The following TENM3 variants were observed in gnomAD, a reference collection of about 807,000 sequenced individuals.
TENM3 encodes teneurin-3.
A neutral mutation model predicts 255.1 loss-of-function variants in TENM3; 63 were observed. The observed-to-expected ratio is 0.25, with a 90% CI of 0.20 to 0.30. The LOEUF is 0.30. TENM3 is among the 10% of genes least tolerant of loss of function. The probability of loss-of-function intolerance (pLI) is 1.00; values close to 1 mark genes in which losing one functional copy is unlikely to be tolerated. For synonymous variants in TENM3, 1,306 were observed against 1,322.3 expected (o/e 0.99, Z 0.27); for missense variants, 2,929 against 3,461.1 (o/e 0.85, Z 3.86).
chr4:182,759,167 G>C (rs1377838305), intron 22 of TENM3, among the ~76,000 whole-genome samples: 42 of 152,126 alleles, frequency 2.8e-4, no homozygotes, highest in Non-Finnish European at 6.0e-4. Context: ...CACAGTATTG[G>C]TATAAGTACA....
the TENM3 span, among the ~76,000 whole-genome samples, chr4:182,060,774 G>A: frequency 3.3e-5 from 5 of 152,128 alleles, no homozygotes; most frequent in Non-Finnish European, 5.9e-5. Context: ...ACATAATTGC[G>A]GGTATAAACC....
intron 12 of TENM3, among the ~76,000 whole-genome samples, chr4:182,700,524 T>G (rs554141216): frequency 6.6e-6 from 1 of 152,180 alleles, no homozygotes; most frequent in Non-Finnish European, 1.5e-5. Flanking sequence ...CTGGAGCCAA[T>G]TTTTGTCTGT....
At chr4:182,114,832 G>T in the TENM3 span, among the ~76,000 whole-genome samples, 184 of 152,024 alleles carry the variant, frequency 1.2e-3, no homozygotes, top group African/African-American at 4.3e-3. Flanking sequence ...TTTATTTTTG[G>T]CCAGGACTCT....
At chr4:182,361,040 A>G (rs1199430210) in intron 3 of TENM3, among the ~76,000 whole-genome samples, 1 of 152,206 alleles carries the variant, frequency 6.6e-6, no homozygotes, top group African/African-American at 2.4e-5. Flanking sequence ...AAGAATGTTT[A>G]ATATTGGCTC....
chr4:181,774,020 T>G, the TENM3 span, among the ~76,000 whole-genome samples: 4 of 131,710 alleles, frequency 3.0e-5, no homozygotes, highest in South Asian at 9.6e-4. Flanking sequence ...TTTTTTTTTT[T>G]TTTTTTTTAT....
the TENM3 span, among the ~76,000 whole-genome samples, chr4:181,459,132 T>A: frequency 6.6e-6 from 1 of 152,050 alleles, no homozygotes; most frequent in Non-Finnish European, 1.5e-5. Context: ...TGGTTTGAAT[T>A]GGCACATCCC....
At chr4:182,763,103 G>A (rs776437413) in intron 22 of TENM3, among the ~76,000 whole-genome samples, 2 of 151,884 alleles carry the variant, frequency 1.3e-5, no homozygotes, top group Non-Finnish European at 2.9e-5. Flanking sequence ...GTGTAGGTCC[G>A]ATATAACTTA....
At chr4:182,533,899 A>G (rs575834364) in intron 3 of TENM3, among the ~76,000 whole-genome samples, 1 of 151,442 alleles carries the variant, frequency 6.6e-6, no homozygotes, top group South Asian at 2.1e-4. Context: ...ACAGAGCAAG[A>G]CTCCATCTCC....
the TENM3 span, among the ~76,000 whole-genome samples, chr4:181,661,919 C>A: frequency 0.56 from 61,947 of 111,002 alleles, 13,530 homozygotes; most frequent in Admixed American, 0.64. Context: ...AAAAAAAAAA[C>A]CTCATTCTGC....
chr4:181,955,571 A>G, the TENM3 span, among the ~76,000 whole-genome samples: 33 of 152,316 alleles, frequency 2.2e-4, no homozygotes, highest in Non-Finnish European at 4.1e-4. Context: ...GGCCAGTGAT[A>G]AAAGGATGGT....
At position 182,753,605 on chromosome 4, in the gene TENM3, G is replaced by A; in HGVS notation, c.4017+1G>A. Reference sequence around the variant, plus strand: ...TGACACCAGCATGCACATCAGCCAGGTAGTTAAATACTAAGCGGACTTGTT... The same window carrying A: ...TGACACCAGCATGCACATCAGCCAGATAGTTAAATACTAAGCGGACTTGTT... On this transcript the variant is annotated splice_donor_variant, in intron 21 of 27. Coordinates refer to ENST00000511685, the MANE Select transcript of TENM3 (RefSeq NM_001080477.4). LOFTEE classifies it high-confidence loss of function. The A allele has an allele frequency of 6.2e-7, 1 of 1,613,500 alleles. No individual in the cohort carries two copies. Among genetic ancestry groups the A allele is most frequent in the Non-Finnish European group, 8.5e-7 (1 of 1,179,726 alleles).
chr4:182,721,638 G>A (rs1759743403), intron 13 of TENM3, among the ~76,000 whole-genome samples: 1 of 152,052 alleles, frequency 6.6e-6, no homozygotes, highest in Admixed American at 6.6e-5. Context: ...GGTTCAAAAG[G>A]TATTTTAATT....
intron 3 of TENM3, among the ~76,000 whole-genome samples, chr4:182,469,328 A>G (rs183783404): frequency 6.6e-6 from 1 of 152,178 alleles, no homozygotes; most frequent in Non-Finnish European, 1.5e-5. Context: ...CACGTAATTC[A>G]TATTTCATAT....
In TENM3 at chr4:182,343,494, C is replaced by T. The variant is rs555125305; in HGVS notation, c.233-3157C>T. ...GGAAAATGAGAATAAAGTATTGTTC[C>T]TTGAAGCCAAAGCTGACTTTACATA... On this transcript the variant is annotated intron_variant, in intron 2 of 27. Transcript: ENST00000511685. Among the ~76,000 whole-genome samples the T allele has an allele frequency of 7.2e-5, 11 of 152,274 alleles. No homozygotes were observed. The South Asian group carries it at 2.1e-3, about 29-fold the overall frequency.
intron 1 of TENM3, among the ~76,000 whole-genome samples, chr4:182,213,871 G>A (rs994090179): frequency 3.5e-4 from 53 of 152,040 alleles, no homozygotes; most frequent in Admixed American, 7.9e-4. Context: ...GCGCGATCTC[G>A]GCTCACTGCA....
the TENM3 span, among the ~76,000 whole-genome samples, chr4:181,770,415 C>CTGT: frequency 8.4e-4 from 128 of 152,286 alleles, no homozygotes; most frequent in African/African-American, 2.9e-3. Context: ...TGGCTCACGC[C>CTGT]TGTAATCCCA....
At chr4:182,288,098 G>A (rs575529771) in intron 1 of TENM3, among the ~76,000 whole-genome samples, 61 of 151,494 alleles carry the variant, frequency 4.0e-4, no homozygotes, top group Middle Eastern at 3.5e-3. Flanking sequence ...CCACCACACC[G>A]GCTAATTTTG....
chr4:181,649,044 ATCATTC>A, the TENM3 span, among the ~76,000 whole-genome samples: 2 of 152,334 alleles, frequency 1.3e-5, no homozygotes, highest in South Asian at 4.1e-4. Flanking sequence ...TATTATCATT[ATCATTC>A]GGGGCAGTAT....
At chr4:181,527,758 C>A in the TENM3 span, among the ~76,000 whole-genome samples, 3 of 151,188 alleles carry the variant, frequency 2.0e-5, no homozygotes, top group East Asian at 5.9e-4. Flanking sequence ...CATAATTCTC[C>A]CACCAAGAAA....
Sources: allele counts gnomAD v4.1 joint callset (sites outside exome capture counted in the v4.1 genomes callset), GRCh38; gene constraint gnomAD v4.1.1; transcripts MANE v1.5; gene names NCBI Gene and HGNC (gene_info 2026-07-23, HGNC 2026-07-21).